Variants in ERBB4 observed in about 807,000 individuals in gnomAD.
The protein encoded by ERBB4 is receptor tyrosine-protein kinase erbB-4.
Under a neutral mutation model 158.0 loss-of-function variants are expected in ERBB4, and 42 were observed. That is an observed-to-expected ratio of 0.27 (90% CI 0.21 to 0.34). The LOEUF (loss-of-function observed/expected upper bound fraction) is 0.34, where lower values mean the gene tolerates loss of function less well. ERBB4 is among the 10% of genes least tolerant of loss of function. The pLI is 1.00. For missense variants in ERBB4, 1,333 were observed against 1,624.1 expected (o/e 0.82, Z 3.08); for synonymous variants, 583 against 558.7 (o/e 1.04, Z -0.61).
At chr2:211,597,407 T>C (rs1468284031) in intron 19 of ERBB4, among the ~76,000 whole-genome samples, 9 of 152,218 alleles carry the variant, frequency 5.9e-5, no homozygotes, top group African/African-American at 1.4e-4. Context: ...ATAACATAAA[T>C]GGATTCATTT....
At chr2:211,566,719 A>G (rs541744374) in intron 19 of ERBB4, among the ~76,000 whole-genome samples, 1 of 152,318 alleles carries the variant, frequency 6.6e-6, no homozygotes, top group South Asian at 2.1e-4. Context: ...CAAATCAGCA[A>G]AACATCTAAT....
chr2:212,138,275 C>A (rs2080336921), intron 1 of ERBB4, among the ~76,000 whole-genome samples: 1 of 152,140 alleles, frequency 6.6e-6, no homozygotes, highest in Admixed American at 6.6e-5. Flanking sequence ...TTAGACATCA[C>A]TTGTGAGAAG....
rs529477086 is a variant in ERBB4, at chr2:211,883,955, C to A, written c.421+63475G>T. Among the ~76,000 whole-genome samples the A allele has an allele frequency of 1.4e-4, 21 of 152,136 alleles. No homozygotes were observed. The East Asian group carries it at 3.9e-3, about 28-fold the overall frequency. ...GGGACTGACTCACTCCCCGGTGAGG[C>A]CACTAATTCAAATTTTATATAATAT... is the stretch of plus-strand genomic sequence containing the variant. On this transcript the variant is annotated intron_variant, in intron 3 of 27. Transcript: ENST00000342788.
intron 1 of ERBB4, among the ~76,000 whole-genome samples, chr2:212,433,001 T>C (rs574286500): frequency 6.6e-6 from 1 of 152,162 alleles, no homozygotes; most frequent in East Asian, 1.9e-4. Flanking sequence ...GTGCTTACAT[T>C]TGTAACATCG....
chr2:211,726,618 T>TA, intron 5 of ERBB4, among the ~76,000 whole-genome samples: 1 of 152,290 alleles, frequency 6.6e-6, no homozygotes, highest in East Asian at 1.9e-4. Context: ...TAAATATTCC[T>TA]CAGTACTTTC....
At chr2:212,007,764 TA>T (rs1303061032) in intron 2 of ERBB4, among the ~76,000 whole-genome samples, 1 of 151,980 alleles carries the variant, frequency 6.6e-6, no homozygotes. Flanking sequence ...AGAAGAATAT[TA>T]ATGAGGGACA....
At chr2:211,894,736 T>C (rs984914938) in intron 3 of ERBB4, among the ~76,000 whole-genome samples, 3 of 152,096 alleles carry the variant, frequency 2.0e-5, no homozygotes, top group African/African-American at 4.8e-5. Flanking sequence ...GTGGCAGTCA[T>C]AGAAAGCTGA....
intron 20 of ERBB4, among the ~76,000 whole-genome samples, chr2:211,445,476 T>C (rs993207792): frequency 6.6e-6 from 1 of 152,036 alleles, no homozygotes; most frequent in African/African-American, 2.4e-5. Context: ...CCAGAAAAAG[T>C]GACCAAAAGT....
chr2:212,133,509 A>G (rs1362914220), intron 1 of ERBB4, among the ~76,000 whole-genome samples: 5 of 151,002 alleles, frequency 3.3e-5, no homozygotes, highest in Non-Finnish European at 5.9e-5. Context: ...TGCAAGCCTC[A>G]TAAGAGAGGC....
intron 3 of ERBB4, among the ~76,000 whole-genome samples, chr2:211,938,989 G>T (rs980967432): frequency 6.6e-6 from 1 of 152,128 alleles, no homozygotes; most frequent in South Asian, 2.1e-4. Flanking sequence ...GTGGCTATAG[G>T]ATGAGTAATA....
intron 1 of ERBB4, among the ~76,000 whole-genome samples, chr2:212,151,052 A>G (rs2080851513): frequency 6.6e-6 from 1 of 152,042 alleles, no homozygotes; most frequent in African/African-American, 2.4e-5. Flanking sequence ...AATACAATCA[A>G]TATTTCATAT....
intron 16 of ERBB4, among the ~76,000 whole-genome samples, chr2:211,645,692 G>A (rs2070760173): frequency 6.6e-6 from 1 of 151,704 alleles, no homozygotes; most frequent in East Asian, 1.9e-4. Context: ...TACTTTGATG[G>A]AACCTGTCTA....
intron 1 of ERBB4, among the ~76,000 whole-genome samples, chr2:212,330,885 A>C (rs187745333): frequency 6.6e-6 from 1 of 151,258 alleles, no homozygotes; most frequent in Non-Finnish European, 1.5e-5. Context: ...CGATTACCCT[A>C]ATGGGTAGAA....
intron 1 of ERBB4, among the ~76,000 whole-genome samples, chr2:212,409,381 A>G (rs17432343): frequency 0.2 from 29,768 of 152,120 alleles, 3,378 homozygotes; most frequent in Non-Finnish European, 0.26. Context: ...AGAAGTCTTC[A>G]ATGTTTTAAA....
intron 2 of ERBB4, among the ~76,000 whole-genome samples, chr2:212,013,488 G>A (rs1044773008): frequency 5.3e-5 from 8 of 152,132 alleles, no homozygotes; most frequent in African/African-American, 1.9e-4. Flanking sequence ...CTATTAATGT[G>A]AATGAATGTG....
chr2:212,076,297 A>G (rs921869070), intron 2 of ERBB4, among the ~76,000 whole-genome samples: 2 of 151,938 alleles, frequency 1.3e-5, no homozygotes, highest in African/African-American at 4.8e-5. Flanking sequence ...TTTGACAATT[A>G]TCTTCCATGT....
chr2:211,443,671 G>A (rs2064040342), intron 20 of ERBB4, among the ~76,000 whole-genome samples: 1 of 152,022 alleles, frequency 6.6e-6, no homozygotes, highest in South Asian at 2.1e-4. Context: ...AGTGATTTCT[G>A]GGACAAGACT....
At chr2:212,413,553 C>A (rs937177304) in intron 1 of ERBB4, among the ~76,000 whole-genome samples, 1 of 151,904 alleles carries the variant, frequency 6.6e-6, no homozygotes, top group Non-Finnish European at 1.5e-5. Flanking sequence ...TAAAACAGTT[C>A]TATGGTTTGT....
intron 4 of ERBB4, among the ~76,000 whole-genome samples, chr2:211,783,271 G>A (rs1453921439): frequency 6.6e-6 from 1 of 152,234 alleles, no homozygotes; most frequent in Non-Finnish European, 1.5e-5. Context: ...ATTTTGGGCT[G>A]AGACAATGGG....
Sources: allele counts gnomAD v4.1 joint callset (sites outside exome capture counted in the v4.1 genomes callset), GRCh38; gene constraint gnomAD v4.1.1; transcripts MANE v1.5; gene names NCBI Gene and HGNC (gene_info 2026-07-23, HGNC 2026-07-21).